The following QKI variants were observed in gnomAD, a reference collection of about 807,000 sequenced individuals.
The protein encoded by QKI is QKI, KH domain containing RNA binding.
In QKI, 10 loss-of-function variants were observed where a neutral mutation model predicts 39.0. That is an observed-to-expected ratio of 0.26 (90% CI 0.16 to 0.43). The LOEUF (loss-of-function observed/expected upper bound fraction) is 0.43. Among genes scored for constraint, QKI ranks in the 20% least tolerant of loss-of-function variants. QKI has a pLI of 1.00. For missense variants in QKI, 218 were observed against 428.0 expected (o/e 0.51, Z 4.33); for synonymous variants, 204 against 155.4 (o/e 1.31, Z -2.33).
chr6:163,546,655 A>C (rs1781893414), intron 4 of QKI, among the ~76,000 whole-genome samples: 1 of 152,112 alleles, frequency 6.6e-6, no homozygotes, highest in Non-Finnish European at 1.5e-5. Flanking sequence ...AAGTAAAATT[A>C]AGATAGTAAC....
intron 4 of QKI, among the ~76,000 whole-genome samples, chr6:163,538,441 A>G (rs752032533): frequency 1.3e-4 from 20 of 152,142 alleles, no homozygotes; most frequent in Non-Finnish European, 2.5e-4. Flanking sequence ...GCCCTGAGGC[A>G]TGTTCAGAGA....
intron 3 of QKI, among the ~76,000 whole-genome samples, chr6:163,512,114 A>T (rs1779521221): frequency 6.6e-6 from 1 of 152,100 alleles, no homozygotes; most frequent in Non-Finnish European, 1.5e-5. Flanking sequence ...TATATCTAGG[A>T]GCAACAGAAG....
chr6:163,568,019 C>G (rs1318784806), intron 7 of QKI: 2 of 985,106 alleles, frequency 2.0e-6, no homozygotes, highest in East Asian at 2.3e-4. Flanking sequence ...CTAATGTATT[C>G]ATCACTAACA....
At chr6:163,490,614 A>C (rs1445868888) in intron 3 of QKI, among the ~76,000 whole-genome samples, 1 of 152,022 alleles carries the variant, frequency 6.6e-6, no homozygotes, top group African/African-American at 2.4e-5. Flanking sequence ...GGCACAGTGG[A>C]GTGTTGGTAT....
intron 2 of QKI, among the ~76,000 whole-genome samples, chr6:163,461,338 C>T (rs561563122): frequency 3.9e-5 from 6 of 152,206 alleles, no homozygotes; most frequent in East Asian, 1.9e-4. Flanking sequence ...ATTTTTCCAA[C>T]GTTTAACATT....
chr6:163,555,723 T>G (rs1782550240), intron 4 of QKI, among the ~76,000 whole-genome samples: 1 of 152,196 alleles, frequency 6.6e-6, no homozygotes, highest in South Asian at 2.1e-4. Context: ...GCTGGAGAAT[T>G]TGGGCCTTTG....
chr6:163,490,017 G>A (rs1036753842), intron 3 of QKI, among the ~76,000 whole-genome samples: 1 of 152,106 alleles, frequency 6.6e-6, no homozygotes, highest in Non-Finnish European at 1.5e-5. Context: ...TTAGGGAGTA[G>A]GAACTGTTAC....
intron 2 of QKI, among the ~76,000 whole-genome samples, chr6:163,462,252 A>G (rs1421974162): frequency 6.6e-6 from 1 of 152,152 alleles, no homozygotes; most frequent in Non-Finnish European, 1.5e-5. Flanking sequence ...CACTGCGCCC[A>G]GCCAGAAAAC....
chr6:163,486,426 A>G (rs1777686546), intron 3 of QKI, among the ~76,000 whole-genome samples: 5 of 152,250 alleles, frequency 3.3e-5, no homozygotes, highest in Admixed American at 2.0e-4. Flanking sequence ...TATTAGAGTC[A>G]TATTGTATAA....
intron 3 of QKI, among the ~76,000 whole-genome samples, chr6:163,512,444 A>C (rs1476046566): frequency 1.3e-5 from 2 of 152,122 alleles, no homozygotes; most frequent in African/African-American, 4.8e-5. Context: ...TCATTCCAGC[A>C]AGAAGAGATC....
intron 1 of QKI, among the ~76,000 whole-genome samples, chr6:163,453,329 G>A (rs1291210856): frequency 1.3e-5 from 2 of 151,808 alleles, no homozygotes; most frequent in Non-Finnish European, 2.9e-5. Context: ...TTTCTTTCAT[G>A]CTGCTATTCT....
At chr6:163,470,667 T>A (rs1272370457) in intron 2 of QKI, among the ~76,000 whole-genome samples, 1 of 152,036 alleles carries the variant, frequency 6.6e-6, no homozygotes, top group Non-Finnish European at 1.5e-5. Flanking sequence ...AAGTTTTCAA[T>A]GTGGAAGGAG....
chr6:163,528,604 A>G (rs1036750589), intron 3 of QKI, among the ~76,000 whole-genome samples: 1 of 152,182 alleles, frequency 6.6e-6, no homozygotes, highest in Non-Finnish European at 1.5e-5. Flanking sequence ...GTTTGATAAA[A>G]GCTTAGTTGC....
intron 3 of QKI, among the ~76,000 whole-genome samples, chr6:163,483,374 C>T (rs182562306): frequency 2.0e-5 from 3 of 152,238 alleles, no homozygotes; most frequent in Admixed American, 1.3e-4. Context: ...CGAAGTTTGC[C>T]TCATGGATTT....
intron 7 of QKI, chr6:163,569,413 T>G (rs1332517418): frequency 7.9e-7 from 1 of 1,267,232 alleles, no homozygotes; most frequent in East Asian, 6.0e-5. Context: ...TGAATATCTT[T>G]TCATTCACAT....
intron 6 of QKI, chr6:163,565,868 G>T (rs1783333394): frequency 5.0e-6 from 8 of 1,589,126 alleles, no homozygotes; most frequent in South Asian, 1.1e-5. Flanking sequence ...CATGTGTGTT[G>T]GTAGTAGTGA....
chr6:163,541,482 T>C (rs1562526809), intron 4 of QKI, among the ~76,000 whole-genome samples: 1 of 146,186 alleles, frequency 6.8e-6, no homozygotes, highest in Non-Finnish European at 1.5e-5. Context: ...CACTCAGATC[T>C]TCTCCTATGT....
chr6:163,569,063 C>G (rs1208633995), intron 7 of QKI: 1 of 961,024 alleles, frequency 1.0e-6, no homozygotes, highest in African/African-American at 1.8e-5. Flanking sequence ...CAGTTTTAAT[C>G]AAAACTATGA....
At chr6:163,416,725 T>C (rs1338455782) in intron 1 of QKI, among the ~76,000 whole-genome samples, 1 of 152,232 alleles carries the variant, frequency 6.6e-6, no homozygotes, top group Non-Finnish European at 1.5e-5. Context: ...TTTCTCGTCG[T>C]TTTGCTTCCG....
Sources: allele counts gnomAD v4.1 joint callset (sites outside exome capture counted in the v4.1 genomes callset), GRCh38; gene constraint gnomAD v4.1.1; transcripts MANE v1.5; gene names NCBI Gene and HGNC (gene_info 2026-07-23, HGNC 2026-07-21).